The following KHDRBS3 variants were observed in gnomAD, a reference collection of about 807,000 sequenced individuals.
KHDRBS3 encodes KH RNA binding domain containing, signal transduction associated 3.
Under a neutral mutation model 45.6 loss-of-function variants are expected in KHDRBS3, and 23 were observed. The ratio of observed to expected loss-of-function variants is 0.50; its 90% CI spans 0.36 to 0.72. The LOEUF is 0.72. Ranked by LOEUF, KHDRBS3 falls within the 30% of genes least tolerant of loss-of-function variation. KHDRBS3 has a pLI of 0.00. For synonymous variants in KHDRBS3, 162 were observed against 156.5 expected (o/e 1.04, Z -0.26); for missense variants, 352 against 424.8 (o/e 0.83, Z 1.51).
At chr8:135,639,983 A>T (rs2131178066) in intron 7 of KHDRBS3, among the ~76,000 whole-genome samples, 1 of 152,262 alleles carries the variant, frequency 6.6e-6, no homozygotes, top group African/African-American at 2.4e-5. Context: ...GAAGTTAAAG[A>T]AAAAAGTGGA....
intron 1 of KHDRBS3, among the ~76,000 whole-genome samples, chr8:135,492,760 A>C (rs181911979): frequency 1.3e-5 from 2 of 152,084 alleles, no homozygotes; most frequent in East Asian, 1.9e-4. Flanking sequence ...TTTGTTTTTC[A>C]TAATTTTCCT....
chr8:135,606,846 CAT>C, intron 6 of KHDRBS3, 107 bp from the exon 7 acceptor site: 1 of 754,234 alleles, frequency 1.3e-6, no homozygotes, highest in Non-Finnish European at 2.2e-6. Context: ...TATAAGTAGA[CAT>C]ATAATTAAAT....
chr8:135,610,586 A>G (rs904070784), intron 7 of KHDRBS3, among the ~76,000 whole-genome samples: 1 of 151,934 alleles, frequency 6.6e-6, no homozygotes, highest in African/African-American at 2.4e-5. Flanking sequence ...AATATTTTAA[A>G]ACAATGTAAT....
chr8:135,587,520 A>G (rs75612813), intron 6 of KHDRBS3, among the ~76,000 whole-genome samples: 1,709 of 152,348 alleles, frequency 0.011, 27 homozygotes, highest in African/African-American at 0.037. Context: ...CTTCCGCTCT[A>G]CTTTTAACTT....
intron 2 of KHDRBS3, among the ~76,000 whole-genome samples, chr8:135,523,093 T>C (rs146882004): frequency 3.9e-5 from 6 of 152,334 alleles, no homozygotes; most frequent in Non-Finnish European, 5.9e-5. Context: ...GTTTAGGTAA[T>C]GTAGTTCCTC....
chr8:135,553,888 T>G (rs748329380), intron 4 of KHDRBS3, among the ~76,000 whole-genome samples: 37 of 152,166 alleles, frequency 2.4e-4, no homozygotes, highest in Non-Finnish European at 3.1e-4. Context: ...GTTAAAATGA[T>G]AATTTAAAAT....
intron 5 of KHDRBS3, among the ~76,000 whole-genome samples, chr8:135,574,255 G>GTTAGCA (rs1482696673): frequency 2.0e-3 from 295 of 148,836 alleles, no homozygotes; most frequent in East Asian, 4.4e-3. Context: ...CCTCCATCAT[G>GTTAGCA]CCTTTCTTCC....
intron 5 of KHDRBS3, among the ~76,000 whole-genome samples, chr8:135,573,603 C>T (rs1408856551): frequency 6.6e-6 from 1 of 152,208 alleles, no homozygotes; most frequent in African/African-American, 2.4e-5. Flanking sequence ...AATGACAGAA[C>T]TGCATTTGAG....
chr8:135,510,007 GTCTC>G (rs1384908235), intron 1 of KHDRBS3, among the ~76,000 whole-genome samples: 2 of 132,314 alleles, frequency 1.5e-5, no homozygotes, highest in Admixed American at 8.1e-5. Context: ...AAAGACCTGA[GTCTC>G]TCTCTCTGTG....
intron 1 of KHDRBS3, among the ~76,000 whole-genome samples, chr8:135,515,857 C>T (rs1433711152): frequency 1.3e-5 from 2 of 152,138 alleles, no homozygotes; most frequent in African/African-American, 4.8e-5. Flanking sequence ...ATTTCTGTAC[C>T]CTATCTACTT....
intron 7 of KHDRBS3, among the ~76,000 whole-genome samples, chr8:135,618,528 G>A (rs529864295): frequency 1.3e-5 from 2 of 152,206 alleles, no homozygotes; most frequent in South Asian, 4.2e-4. Context: ...GTTTTTCTTA[G>A]TAGTTACAAA....
chr8:135,469,790 G>T (rs1393768879), intron 1 of KHDRBS3, among the ~76,000 whole-genome samples: 1 of 152,140 alleles, frequency 6.6e-6, no homozygotes, highest in African/African-American at 2.4e-5. Context: ...GCCTCCCAAA[G>T]TGCTGGGATT....
intron 1 of KHDRBS3, among the ~76,000 whole-genome samples, chr8:135,480,027 G>A (rs899148591): frequency 6.6e-6 from 1 of 152,078 alleles, no homozygotes; most frequent in Non-Finnish European, 1.5e-5. Context: ...TCAAGTAATA[G>A]AATACCTCAT....
At chr8:135,610,244 A>C (rs892735224) in intron 7 of KHDRBS3, among the ~76,000 whole-genome samples, 1 of 151,892 alleles carries the variant, frequency 6.6e-6, no homozygotes, top group Non-Finnish European at 1.5e-5. Context: ...TAAATCAGGC[A>C]TGGAATTTAA....
chr8:135,516,005 C>T (rs1824577441), intron 1 of KHDRBS3, among the ~76,000 whole-genome samples: 1 of 152,148 alleles, frequency 6.6e-6, no homozygotes, highest in African/African-American at 2.4e-5. Context: ...TTAAACATAC[C>T]TGGATGGTGC....
chr8:135,599,463 T>C (rs1829108757), intron 6 of KHDRBS3, among the ~76,000 whole-genome samples: 1 of 152,244 alleles, frequency 6.6e-6, no homozygotes. Flanking sequence ...GTTCTTGTCA[T>C]CAAATTTTAC....
chr8:135,591,224 A>G lies in KHDRBS3; in HGVS notation c.807+9151A>G, dbSNP rs556312359. On this transcript the variant is annotated intron_variant, in intron 6 of 8. Transcript: ENST00000355849. ...GAGCCCATGCTCCAGCACCCTGTCA[A>G]TGTATTCTAATGGAGAAGCTAACAA... 3.9e-5 allele frequency among the ~76,000 whole-genome samples: 6 copies of G among 152,338 alleles called. No individual in the cohort carries two copies. In the East Asian group the frequency reaches 7.7e-4, roughly 20 times the overall value.
chr8:135,463,158 C>T (rs1041001250), intron 1 of KHDRBS3, among the ~76,000 whole-genome samples: 1 of 152,030 alleles, frequency 6.6e-6, no homozygotes, highest in Non-Finnish European at 1.5e-5. Flanking sequence ...AGAGTGAGTT[C>T]CTCGGAAGAC....
intron 6 of KHDRBS3, among the ~76,000 whole-genome samples, chr8:135,584,187 G>A (rs1459194643): frequency 6.6e-6 from 1 of 152,198 alleles, no homozygotes; most frequent in Non-Finnish European, 1.5e-5. Flanking sequence ...TGTTACTGCA[G>A]CTGTGATTTC....
Sources: gnomAD v4.1 joint callset for allele counts (sites outside exome capture counted in the v4.1 genomes callset) on GRCh38, gnomAD v4.1.1 for gene constraint, MANE v1.5 for transcripts, NCBI Gene and HGNC (gene_info 2026-07-23, HGNC 2026-07-21) for gene names.